STRN3: variants seen among roughly 807,000 people sequenced by gnomAD.
STRN3 encodes the protein striatin-3.
STRN3 carries 29 observed loss-of-function variants against 95.6 expected under a neutral mutation model. The observed-to-expected ratio is 0.30, with a 90% CI of 0.23 to 0.41. The LOEUF (loss-of-function observed/expected upper bound fraction) is 0.41, where lower values mean the gene tolerates loss of function less well. Ranked by LOEUF, STRN3 falls within the 10% of genes least tolerant of loss-of-function variation. The pLI is 1.00. For synonymous variants in STRN3, 331 were observed against 357.6 expected (o/e 0.93, Z 0.84); for missense variants, 890 against 972.1 (o/e 0.92, Z 1.12).
chr14:30,979,722 C>A (rs1422405264), intron 1 of STRN3, among the ~76,000 whole-genome samples: 1 of 152,010 alleles, frequency 6.6e-6, no homozygotes, highest in East Asian at 1.9e-4. Context: ...GCCTCAGCCT[C>A]CTGAGTAGCT....
chr14:30,966,860 T>A (rs1420035508), intron 1 of STRN3, among the ~76,000 whole-genome samples: 1 of 152,058 alleles, frequency 6.6e-6, no homozygotes, highest in African/African-American at 2.4e-5. Flanking sequence ...AAGAGGGGCC[T>A]AATTCTCCCT....
chr14:30,980,801 C>CT (rs1272185869), intron 1 of STRN3, among the ~76,000 whole-genome samples: 4 of 151,962 alleles, frequency 2.6e-5, no homozygotes, highest in African/African-American at 7.3e-5. Context: ...ATTTTTTTAA[C>CT]TAAAAGCAAA....
Position 30,905,517 on chromosome 14 carries a change from G to A in STRN3, c.1930C>T (p.Pro644Ser), listed in dbSNP as rs368182746. 249 of 1,607,078 alleles carry A rather than the reference G, an allele frequency of 1.5e-4. No homozygotes were observed. Among genetic ancestry groups the A allele is most frequent in the Non-Finnish European group, 2.0e-4 (239 of 1,177,462 alleles). ...TTGAAAGAGGTTACCATATGAGCTG[G>A]ATCACAGCCTATAAAGTCAACTGAT... The part of the protein sequence containing the change: ...PTSVDFIGCD[P>S]AHMVTSFNTG... Residue 644 changes from proline to serine, a missense_variant, in exon 15 of 18, where the codon CCA (proline) becomes TCA (serine). By Grantham distance (74) the Pro-to-Ser change is moderately conservative. Coordinates refer to ENST00000357479, the MANE Select transcript of STRN3 (RefSeq NM_001083893.2).
In STRN3 at chr14:30,912,054, G is replaced by A. The variant is rs1183049769; in HGVS notation, c.1503C>T (p.Asp501=). ...GCAGGTTCCAAAGTTTCAGGGTATG[G>A]TCCTCAGAAGCAGTAACCAGCACAG... is the stretch of plus-strand genomic sequence containing the variant. ...VEPVLVTASE[D]HTLKLWNLQK... is the part of the protein sequence containing the mutation. The change falls in exon 11 of 18, where the codon GAC becomes GAT. Residue 501 remains aspartate, a synonymous_variant. Transcript: ENST00000357479. 6.2e-7 allele frequency: 1 copy of A among 1,613,942 alleles called. No individual in the cohort carries two copies. The highest frequency in any genetic ancestry group is 8.5e-7 in the Non-Finnish European group (1 of 1,179,980).
At chr14:30,924,837 A>G (rs1039455619) in intron 8 of STRN3, among the ~76,000 whole-genome samples, 10 of 152,180 alleles carry the variant, frequency 6.6e-5, no homozygotes, top group African/African-American at 2.2e-4. Context: ...CAGCAGAGTG[A>G]CAGCCTGTCT....
chr14:30,951,936 G>C (rs541339686), intron 3 of STRN3, among the ~76,000 whole-genome samples: 3 of 152,056 alleles, frequency 2.0e-5, no homozygotes, highest in Non-Finnish European at 4.4e-5. Context: ...TGAGCAACAC[G>C]GTGAAACGCC....
At position 30,996,708 on chromosome 14, in the gene STRN3, A is replaced by G. The variant is rs1230554347; in HGVS notation, c.282+29196T>C. ...TGGTGAAACCCCATCTCTACTAAAAATACAAAAATTAGCTGGGTGTGGTGG... is the reference window on the plus strand; with the variant it reads ...TGGTGAAACCCCATCTCTACTAAAAGTACAAAAATTAGCTGGGTGTGGTGG... On this transcript the variant is annotated intron_variant, in intron 1 of 17. Transcript: ENST00000357479. 2.0e-5 allele frequency among the ~76,000 whole-genome samples: 3 copies of G among 152,156 alleles called. No homozygotes were observed. In the South Asian group the frequency reaches 6.2e-4, roughly 32 times the overall value.
At chr14:30,986,854 T>G (rs1401303428) in intron 1 of STRN3, among the ~76,000 whole-genome samples, 6 of 152,212 alleles carry the variant, frequency 3.9e-5, no homozygotes. Flanking sequence ...GAAAAATCAA[T>G]GGTGAATTTC....
chr14:30,971,629 T>A (rs1208262636), intron 1 of STRN3, among the ~76,000 whole-genome samples: 1 of 152,174 alleles, frequency 6.6e-6, no homozygotes, highest in African/African-American at 2.4e-5. Flanking sequence ...TGCATCATGA[T>A]TAAAACTCAA....
chr14:30,920,777 T>C (rs992915172), intron 8 of STRN3, among the ~76,000 whole-genome samples: 2 of 152,100 alleles, frequency 1.3e-5, no homozygotes, highest in Non-Finnish European at 2.9e-5. Context: ...TCCAAAATTA[T>C]CACATTTATT....
chr14:31,023,822 A>C (rs975112067), intron 1 of STRN3, among the ~76,000 whole-genome samples: 7 of 70,620 alleles, frequency 9.9e-5, no homozygotes, highest in Middle Eastern at 5.4e-3. Flanking sequence ...AACATTTTAA[A>C]TATATAACTC....
At position 30,902,586 on chromosome 14, in the gene STRN3, G is replaced by GT. The variant is rs1896353507; in HGVS notation, c.2086dup (p.Thr696AsnfsTer6). On this transcript the variant is annotated frameshift_variant, in exon 16 of 18. Coordinates refer to ENST00000357479, the MANE Select transcript of STRN3 (RefSeq NM_001083893.2). LOFTEE classifies it high-confidence loss of function. ...GTGTCTATCTTCATGAGCAGTTATT[G>GT]TAACAGGAAGTGTGGGATGACTTAC... is the stretch of plus-strand genomic sequence containing the variant. 1 of 1,609,106 alleles carries GT rather than the reference G, an allele frequency of 6.2e-7. No individual in the cohort carries two copies. Among genetic ancestry groups the GT allele is most frequent in the Non-Finnish European group, 8.5e-7 (1 of 1,178,298 alleles).
In STRN3 at chr14:30,956,212, T is replaced by G. The variant is rs1318939480; in HGVS notation, c.313A>C (p.Lys105Gln). The G allele has an allele frequency of 6.2e-7, 1 of 1,613,878 alleles. No individual in the cohort carries two copies. Among genetic ancestry groups the G allele is most frequent in the East Asian group, 2.2e-5 (1 of 44,878 alleles). ...ARIAFLQGER[K>Q]GQENLKKDLV... ...TCCTTCTTCAGGTTCTCTTGACCTTTTCTTTCGCCTTGTAGAAATGCAATC... is the reference window on the plus strand; with the variant it reads ...TCCTTCTTCAGGTTCTCTTGACCTTGTCTTTCGCCTTGTAGAAATGCAATC... The change falls in exon 2 of 18, where the codon AAA becomes CAA. Residue 105 changes from lysine (K) to glutamine (Q), a missense_variant. Around this residue, in one of 3 missense-constraint regions of STRN3, gnomAD observed 526 missense variants for 526.3 expected, o/e 1.00. Coordinates refer to ENST00000357479, the MANE Select transcript of STRN3 (RefSeq NM_001083893.2).
At chr14:30,968,508 C>T (rs942076718) in intron 1 of STRN3, among the ~76,000 whole-genome samples, 2 of 151,738 alleles carry the variant, frequency 1.3e-5, no homozygotes, top group African/African-American at 4.8e-5. Flanking sequence ...AGTGAAACCC[C>T]GTCTCCACTG....
chr14:30,951,130 A>G (rs1396953904), intron 3 of STRN3, among the ~76,000 whole-genome samples, 186 bp from the exon 4 acceptor site: 1 of 152,194 alleles, frequency 6.6e-6, no homozygotes, highest in African/African-American at 2.4e-5. Flanking sequence ...TAATAACCCA[A>G]TGACTTAAGT....
chr14:31,004,976 T>C (rs1882648210), intron 1 of STRN3, among the ~76,000 whole-genome samples: 1 of 151,896 alleles, frequency 6.6e-6, no homozygotes, highest in Non-Finnish European at 1.5e-5. Context: ...GCTTCAGTAT[T>C]TAAAGGGAAA....
intron 11 of STRN3, 86 bp downstream of exon 11, chr14:30,911,921 T>TC (rs1896621023): frequency 1.3e-6 from 2 of 1,563,638 alleles, no homozygotes; most frequent in South Asian, 2.4e-5. Flanking sequence ...AATGTGTGCA[T>TC]TAAAGACATG....
chr14:30,929,088 T>C lies in STRN3; in HGVS notation c.1099+113A>G, dbSNP rs1878342965. 5 of 738,008 alleles carry C rather than the reference T, an allele frequency of 6.8e-6. No individual in the cohort carries two copies. In the South Asian group the frequency reaches 8.9e-5, roughly 13 times the overall value. The allele number at this position is 738,008 out of a possible 1,614,324, so 45.7% of individuals were successfully genotyped here. A position where few individuals can be genotyped will look rare whatever the true frequency, so the allele number is the denominator to read the frequency against. On this transcript the variant is annotated intron_variant, in intron 8 of 17. Coordinates refer to ENST00000357479, the MANE Select transcript of STRN3 (RefSeq NM_001083893.2). ...TTATACAACAGACAAAGTTTAAAGT[T>C]AGTTGCCCCCTTTATGAAACAAAAA... is the stretch of plus-strand genomic sequence containing the variant.
intron 1 of STRN3, chr14:31,018,458 C>T: frequency 2.4e-6 from 1 of 418,970 alleles, no homozygotes; most frequent in South Asian, 1.7e-5. Context: ...GACACACCTC[C>T]TCCTGACTGT....
Sources: gnomAD v4.1 joint callset for allele counts (sites outside exome capture counted in the v4.1 genomes callset) on GRCh38, gnomAD v4.1.1 for gene constraint, gnomAD v4.1.1 regional missense constraint, MANE v1.5 for transcripts, NCBI Gene and HGNC (gene_info 2026-07-23, HGNC 2026-07-21) for gene names.